CENPE: variants seen among roughly 807,000 people sequenced by gnomAD.
The protein encoded by CENPE is centromere-associated protein E.
A neutral mutation model predicts 336.1 loss-of-function variants in CENPE; 145 were observed. The ratio of observed to expected loss-of-function variants is 0.43; its 90% CI spans 0.38 to 0.50. The LOEUF (loss-of-function observed/expected upper bound fraction) is 0.50, where lower values mean the gene tolerates loss of function less well. CENPE is among the 20% of genes least tolerant of loss of function. The pLI is 0.00. For missense variants in CENPE, 2,719 were observed against 3,023.3 expected, an observed-to-expected ratio of 0.90 and a Z score of 2.36; for synonymous variants, 1,013 against 984.8, an observed-to-expected ratio of 1.03 and a Z score of -0.54.
At position 103,106,402 on chromosome 4, in the gene CENPE, A is replaced by T. The variant is rs548608282; in HGVS notation, c.8012-86T>A. The T allele has an allele frequency of 9.2e-6, 9 of 977,410 alleles. No individual in the cohort carries two copies. In the East Asian group the frequency reaches 2.3e-4, roughly 25 times the overall value. 60.5% of individuals were successfully genotyped at this position (977,410 alleles called of 1,614,324 possible). ...AGCTGGAAGTGGAAAGGAGGTTAAG[A>T]CAGGAGAGATGTGAAGAATGAAAAA... is the stretch of plus-strand genomic sequence containing the variant. On this transcript the variant is annotated intron_variant, in intron 48 of 48. Transcript: ENST00000265148.
chr4:103,108,346 C>G (rs558739406), intron 48 of CENPE, among the ~76,000 whole-genome samples: 2 of 151,942 alleles, frequency 1.3e-5, no homozygotes, highest in East Asian at 1.9e-4. Flanking sequence ...CAATGTGCCA[C>G]CAGGATCTAA....
intron 24 of CENPE, among the ~76,000 whole-genome samples, chr4:103,157,267 G>A (rs970538861): frequency 6.6e-6 from 1 of 151,900 alleles, no homozygotes; most frequent in Non-Finnish European, 1.5e-5. Context: ...TGAAAGCAGG[G>A]TTTTGAAGAG....
intron 45 of CENPE, among the ~76,000 whole-genome samples, chr4:103,115,489 CTA>C (rs1750014159): frequency 6.6e-6 from 1 of 152,076 alleles, no homozygotes; most frequent in South Asian, 2.1e-4. Context: ...TCTAATAGAT[CTA>C]TGTTTCACTG....
intron 42 of CENPE, among the ~76,000 whole-genome samples, chr4:103,128,494 T>C (rs961573707): frequency 3.3e-5 from 5 of 152,150 alleles, no homozygotes; most frequent in African/African-American, 1.2e-4. Flanking sequence ...CATTGAATAT[T>C]TGTGAAGACA....
rs1185133774 is a variant in CENPE, at chr4:103,132,983, T to TATATATATATATATATATATAA, written c.6721-88_6721-87insTTATATATATATATATATATAT. On this transcript the variant is annotated intron_variant, in intron 41 of 48. Transcript: ENST00000265148. ...ATTTATATATATATATATATATATA[T>TATATATATATATATATATATAA]AAAATAAAAAGAGGGCAATACCTAG... The TATATATATATATATATATATAA allele has an allele frequency of 1.3e-3, 246 of 191,060 alleles. 1 individual carries two copies. The highest frequency in any genetic ancestry group is 3.7e-3 in the Admixed American group (59 of 15,824). 11.8% of individuals were successfully genotyped at this position (191,060 alleles called of 1,614,324 possible). A position where few individuals can be genotyped will look rare whatever the true frequency, so the allele number is the denominator to read the frequency against.
chr4:103,111,018 G>A lies in CENPE; in HGVS notation c.7541-7C>T. ...TCAGTATGTTCTGATATCACTGTGG[G>A]AGGAAAATATACAAATAGGTGATAA... On this transcript the variant is annotated splice_region_variant and splice_polypyrimidine_tract_variant and intron_variant, in intron 46 of 48. Coordinates refer to ENST00000265148, the MANE Select transcript of CENPE (RefSeq NM_001813.3). 6.5e-7 allele frequency: 1 copy of A among 1,550,042 alleles called. No homozygotes were observed. The highest frequency in any genetic ancestry group is 8.7e-7 in the Non-Finnish European group (1 of 1,149,856).
Position 103,106,151 on chromosome 4 carries a change from G to C in CENPE, c.*71C>G. On this transcript the variant is annotated 3_prime_UTR_variant, in exon 49 of 49. Transcript: ENST00000265148. ...AGCTGCACTACAACATCATTACCAG[G>C]GATAGACACATAAACAAAGTCATTT... The C allele has an allele frequency of 1.0e-6, 1 of 1,001,634 alleles. No homozygotes were observed. The allele number at this position is 1,001,634 out of a possible 1,614,324, so 62.0% of individuals were successfully genotyped here. A position where few individuals can be genotyped will look rare whatever the true frequency, so the allele number is the denominator to read the frequency against.
chr4:103,169,008 G>C (rs1407103979), intron 16 of CENPE, among the ~76,000 whole-genome samples: 1 of 152,150 alleles, frequency 6.6e-6, no homozygotes, highest in East Asian at 1.9e-4. Flanking sequence ...TGTATTATCT[G>C]CCAAAGAATT....
At chr4:103,144,265 A>G (rs986776744) in intron 33 of CENPE, 66 bp downstream of exon 33, 1 of 1,397,666 alleles carries the variant, frequency 7.2e-7, no homozygotes, top group African/African-American at 1.5e-5. Context: ...CACCAACCCT[A>G]TGGCAGATTT....
intron 13 of CENPE, among the ~76,000 whole-genome samples, chr4:103,178,592 A>G (rs1176702825): frequency 6.6e-6 from 1 of 152,210 alleles, no homozygotes; most frequent in Non-Finnish European, 1.5e-5. Flanking sequence ...TCAACACACT[A>G]TAAGGTGGCT....
At position 103,141,088 on chromosome 4, in the gene CENPE, G is replaced by A. The variant is rs755617920; in HGVS notation, c.5480C>T (p.Ala1827Val). ...TAACGTAATAAGTTGATGTTCATTT[G>A]CCTTAAGTTCTTGAATCTTAAGATA... ...KLQEKIQELKANEHQLITLKK... is the reference protein window; with the variant it reads ...KLQEKIQELKVNEHQLITLKK... Residue 1827 changes from alanine to valine, a missense_variant, in exon 36 of 49, where the codon GCA (alanine) becomes GTA (valine). Physicochemically the swap from Ala to Val is moderately conservative, Grantham distance 64 (BLOSUM62 0). This residue lies in a region of CENPE where 2,437 missense variants were observed against 2,513.3 expected (regional missense o/e 0.97). Transcript: ENST00000265148. The A allele has an allele frequency of 9.6e-6, 15 of 1,554,660 alleles. No individual in the cohort carries two copies. Among genetic ancestry groups the A allele is most frequent in the East Asian group, 2.2e-5 (1 of 44,508 alleles).
chr4:103,122,259 T>C (rs1750699483), intron 43 of CENPE, among the ~76,000 whole-genome samples: 1 of 152,166 alleles, frequency 6.6e-6, no homozygotes, highest in Admixed American at 6.5e-5. Context: ...TAAATTGTAA[T>C]TTACTATTGG....
chr4:103,157,570 G>T (rs1754065160), intron 24 of CENPE, among the ~76,000 whole-genome samples: 1 of 151,912 alleles, frequency 6.6e-6, no homozygotes, highest in South Asian at 2.1e-4. Flanking sequence ...TGGTAGCCAG[G>T]GTCTGTGGGA....
Position 103,140,922 on chromosome 4 carries a change from T to C in CENPE, c.5646A>G (p.Glu1882=), listed in dbSNP as rs1177994349. Residue 1882 remains glutamate, a synonymous_variant, in exon 36 of 49, where the codon GAA becomes GAG. Transcript: ENST00000265148. ...NLAQKLHENL[E]EMKSVMKERD... is the part of the protein sequence containing the mutation. ...TTTCTTTCATTACAGATTTCATTTC[T>C]TCAAGGTTTTCATGAAGTTTCTGAG... is the stretch of plus-strand genomic sequence containing the variant. 2 of 1,612,556 alleles carry C rather than the reference T, an allele frequency of 1.2e-6. No individual in the cohort carries two copies. The highest frequency in any genetic ancestry group is 1.3e-5 in the African/African-American group (1 of 74,898).
chr4:103,160,514 T>A (rs1754348639), intron 21 of CENPE, 111 bp downstream of exon 21: 1 of 823,986 alleles, frequency 1.2e-6, no homozygotes, highest in African/African-American at 1.8e-5. Flanking sequence ...ACGTTTACAG[T>A]ATCTCTCTTG....
chr4:103,132,424 AG>A (rs1191928924), intron 42 of CENPE, among the ~76,000 whole-genome samples: 2 of 152,184 alleles, frequency 1.3e-5, no homozygotes, highest in Non-Finnish European at 2.9e-5. Context: ...AGAAGCAGTG[AG>A]AAGGAGAAGA....
chr4:103,190,672 C>G (rs935462651), intron 8 of CENPE, among the ~76,000 whole-genome samples: 1 of 152,132 alleles, frequency 6.6e-6, no homozygotes, highest in African/African-American at 2.4e-5. Context: ...AAATGTGAGA[C>G]CTAAAACCAT....
intron 13 of CENPE, among the ~76,000 whole-genome samples, chr4:103,178,708 A>G (rs1578668288): frequency 6.6e-6 from 1 of 152,198 alleles, no homozygotes; most frequent in Non-Finnish European, 1.5e-5. Flanking sequence ...AGAATATGAC[A>G]CTGCTGACCA....
intron 39 of CENPE, 30 bp downstream of exon 39, chr4:103,138,321 T>C (rs1449679152): frequency 1.4e-6 from 2 of 1,429,798 alleles, no homozygotes; most frequent in Non-Finnish European, 2.0e-6. Flanking sequence ...CAACCAATAA[T>C]CATTTGTAGT....
Sources: gnomAD v4.1 joint callset for allele counts (sites outside exome capture counted in the v4.1 genomes callset) on GRCh38, gnomAD v4.1.1 for gene constraint, gnomAD v4.1.1 regional missense constraint, MANE v1.5 for transcripts, NCBI Gene and HGNC (gene_info 2026-07-23, HGNC 2026-07-21) for gene names.